IL1RL2: variants seen among roughly 807,000 people sequenced by gnomAD.
The protein encoded by IL1RL2 is interleukin-1 receptor-like 2.
A neutral mutation model predicts 66.8 loss-of-function variants in IL1RL2; 68 were observed. The observed-to-expected ratio is 1.02, with a 90% CI of 0.84 to 1.25. The LOEUF (loss-of-function observed/expected upper bound fraction) is 1.25, where lower values mean the gene tolerates loss of function less well. Among genes scored for constraint, IL1RL2 ranks in the 50% most tolerant of loss-of-function variants. IL1RL2 has a pLI of 0.00. For missense variants in IL1RL2, 729 were observed against 709.3 expected (o/e 1.03, Z -0.32); for synonymous variants, 305 against 264.6 (o/e 1.15, Z -1.48).
chr2:102,192,183 A>G, intron 4 of IL1RL2, 63 bp downstream of exon 4: 12 of 1,154,330 alleles, frequency 1.0e-5, no homozygotes, highest in Non-Finnish European at 1.5e-5. Flanking sequence ...TGTTTTTTAT[A>G]GGTTAAGTTG....
At chr2:102,240,361 CTTTTTTTTTTTT>C (rs551743835), downstream of IL1RL2, among the ~76,000 whole-genome samples, 1,753 of 79,828 alleles carry the variant, frequency 0.022, 52 homozygotes, top group African/African-American at 0.078. Flanking sequence ...TCTTCTCCTC[CTTTTTTTTTTTT>C]TTTTTTTTTT....
At chr2:102,208,737 C>T (rs7605715) in intron 5 of IL1RL2, among the ~76,000 whole-genome samples, 42,620 of 152,128 alleles carry the variant, frequency 0.28, 6,588 homozygotes, top group East Asian at 0.38. Flanking sequence ...TGAATTCCAG[C>T]TGTTCTTCTA....
chr2:102,206,937 G>A (rs1688756884), intron 5 of IL1RL2, among the ~76,000 whole-genome samples: 1 of 152,172 alleles, frequency 6.6e-6, no homozygotes, highest in South Asian at 2.1e-4. Context: ...TACTGCAGCT[G>A]AGCTGGCAGT....
At chr2:102,192,851 T>C (rs1432348874) in intron 4 of IL1RL2, among the ~76,000 whole-genome samples, 1 of 152,236 alleles carries the variant, frequency 6.6e-6, no homozygotes, top group South Asian at 2.1e-4. Context: ...ATTTCTTTAA[T>C]GGTGAAAGAA....
intron 5 of IL1RL2, 58 bp downstream of exon 5, chr2:102,201,773 C>T: frequency 6.5e-7 from 1 of 1,544,590 alleles, no homozygotes; most frequent in Admixed American, 1.8e-5. Context: ...TGTGAACTGG[C>T]TTCTGGCTTT....
chr2:102,202,539 AT>A (rs1288151585), intron 5 of IL1RL2, among the ~76,000 whole-genome samples: 2 of 151,852 alleles, frequency 1.3e-5, no homozygotes, highest in African/African-American at 4.8e-5. Context: ...TATAGTTTTC[AT>A]TATAGAGATC....
intron 5 of IL1RL2, among the ~76,000 whole-genome samples, chr2:102,209,955 T>G (rs1689019703): frequency 6.6e-6 from 1 of 152,148 alleles, no homozygotes; most frequent in Admixed American, 6.5e-5. Flanking sequence ...CCACCCCCAC[T>G]GCTCTGATGA....
At position 102,235,267 on chromosome 2, in the gene IL1RL2, C is replaced by T; in HGVS notation, c.1668C>T (p.Tyr556=). The T allele has an allele frequency of 6.2e-7, 1 of 1,612,982 alleles. No individual in the cohort carries two copies. The highest frequency in any genetic ancestry group is 8.5e-7 in the Non-Finnish European group (1 of 1,179,554). Residue 556 remains tyrosine (Y), a synonymous_variant, in exon 11 of 12, where the codon TAC becomes TAT. Transcript: ENST00000264257. The part of the protein sequence containing the change: ...PVQLLQHTPC[Y]RTAGPELGSR... ...AGCTGCTGCAGCACACACCTTGCTA[C>T]CGCACCGCAGGTGAGCGGGTGGGAG...
intron 8 of IL1RL2, among the ~76,000 whole-genome samples, chr2:102,224,776 A>T (rs1378608928): frequency 1.3e-5 from 2 of 152,246 alleles, no homozygotes; most frequent in Non-Finnish European, 2.9e-5. Flanking sequence ...GGTGATGGTT[A>T]TCCCAATTGC....
chr2:102,198,862 C>T (rs921150161), intron 4 of IL1RL2, among the ~76,000 whole-genome samples: 1 of 152,120 alleles, frequency 6.6e-6, no homozygotes, highest in African/African-American at 2.4e-5. Flanking sequence ...CCACTTGGAC[C>T]TTTCTTCCAA....
intron 4 of IL1RL2, among the ~76,000 whole-genome samples, chr2:102,199,346 T>G (rs1688044168): frequency 6.6e-6 from 1 of 152,240 alleles, no homozygotes; most frequent in African/African-American, 2.4e-5. Flanking sequence ...TGGTTTTCTG[T>G]GACAGGTCTC....
In IL1RL2 at chr2:102,239,561, G is replaced by T; in HGVS notation, c.*320G>T. The T allele has an allele frequency of 3.1e-6, 1 of 321,286 alleles. No individual in the cohort carries two copies. Among genetic ancestry groups the T allele is most frequent in the Non-Finnish European group, 6.2e-6 (1 of 161,140 alleles). 19.9% of individuals were successfully genotyped at this position (321,286 alleles called of 1,614,324 possible). On this transcript the variant is annotated 3_prime_UTR_variant, in exon 12 of 12. Transcript: ENST00000264257. ...AGAGCTCGGAGCATCCCCATGTCATGGTGGGTGAGATCTGGGGGTATCCCT... is the reference window on the plus strand; with the variant it reads ...AGAGCTCGGAGCATCCCCATGTCATTGTGGGTGAGATCTGGGGGTATCCCT...
chr2:102,231,595 G>A lies in IL1RL2; in HGVS notation c.1136-1368G>A, dbSNP rs1045343263. On this transcript the variant is annotated intron_variant, in intron 9 of 11. Coordinates refer to ENST00000264257, the MANE Select transcript of IL1RL2 (RefSeq NM_003854.4). ...TTTTTCAAGAACTCCAGACCATGGGGATTTTTGATTCTTGCTGTCTTTTCT... is the reference window on the plus strand; with the variant it reads ...TTTTTCAAGAACTCCAGACCATGGGAATTTTTGATTCTTGCTGTCTTTTCT... Among the ~76,000 whole-genome samples, 83 of 152,256 alleles carry A rather than the reference G, an allele frequency of 5.5e-4. 1 individual carries two copies. Among genetic ancestry groups the A allele is most frequent in the African/African-American group, 1.9e-3 (79 of 41,540 alleles).
At chr2:102,188,563 G>C (rs1385855733) in intron 2 of IL1RL2, among the ~76,000 whole-genome samples, 147 of 135,942 alleles carry the variant, frequency 1.1e-3, no homozygotes, top group African/African-American at 3.6e-3. Context: ...ACTCCAGCCT[G>C]GGCGACAGAG....
At chr2:102,214,420 G>A (rs989443133) in intron 6 of IL1RL2, among the ~76,000 whole-genome samples, 1 of 152,066 alleles carries the variant, frequency 6.6e-6, no homozygotes, top group Non-Finnish European at 1.5e-5. Flanking sequence ...TGTAATCAGG[G>A]AAAACAGCAT....
chr2:102,241,129 A>C (rs536556182), downstream of IL1RL2, among the ~76,000 whole-genome samples: 83 of 152,214 alleles, frequency 5.5e-4, no homozygotes, highest in Middle Eastern at 3.4e-3. Context: ...GGGTGCACAC[A>C]TTACCTTCTC....
Position 102,239,381 on chromosome 2 carries a change from G to A in IL1RL2, c.*140G>A. On this transcript the variant is annotated 3_prime_UTR_variant, in exon 12 of 12. Coordinates refer to ENST00000264257, the MANE Select transcript of IL1RL2 (RefSeq NM_003854.4). ...CAGTTGAGCTCAGGCGTAGAGAAGA[G>A]GAGGATGGGATAAGAACTGGGGCCA... 1 of 757,444 alleles carries A rather than the reference G, an allele frequency of 1.3e-6. No individual in the cohort carries two copies. The highest frequency in any genetic ancestry group is 1.5e-5 in the South Asian group (1 of 66,930). 46.9% of individuals were successfully genotyped at this position (757,444 alleles called of 1,614,324 possible). A position where few individuals can be genotyped will look rare whatever the true frequency, so the allele number is the denominator to read the frequency against.
rs1359550580 is a variant in IL1RL2, at chr2:102,195,641, CTCTCTCTTTCTT to C, written c.489+3525_489+3536del. Among the ~76,000 whole-genome samples the C allele has an allele frequency of 1.9e-3, 61 of 31,692 alleles. 4 individuals carry two copies. Among genetic ancestry groups the C allele is most frequent in the African/African-American group, 3.8e-3 (49 of 12,852 alleles). 20.8% of individuals were successfully genotyped at this position (31,692 alleles called of 152,430 possible). Reference sequence around the variant, plus strand: ...TCTTTCTTTCTTTCTCTCTCTCTCTCTCTCTCTTTCTTTCTTTCTTTCTTTCTTTCTTTCTTT... The same window carrying C: ...TCTTTCTTTCTTTCTCTCTCTCTCTCTCTTTCTTTCTTTCTTTCTTTCTTT... On this transcript the variant is annotated intron_variant, in intron 4 of 11. Coordinates refer to ENST00000264257, the MANE Select transcript of IL1RL2 (RefSeq NM_003854.4).
chr2:102,236,399 G>A (rs1674888959), intron 11 of IL1RL2, among the ~76,000 whole-genome samples: 1 of 152,156 alleles, frequency 6.6e-6, no homozygotes, highest in Non-Finnish European at 1.5e-5. Flanking sequence ...TCGTTCACAG[G>A]CGATGGGTGG....
Sources: gnomAD v4.1 joint callset for allele counts (sites outside exome capture counted in the v4.1 genomes callset) on GRCh38, gnomAD v4.1.1 for gene constraint, MANE v1.5 for transcripts, NCBI Gene and HGNC (gene_info 2026-07-23, HGNC 2026-07-21) for gene names.